Variants in ATL1 observed in about 807,000 individuals in gnomAD.
ATL1 encodes atlastin-1.
Under a neutral mutation model 75.5 loss-of-function variants are expected in ATL1, and 31 were observed. The ratio of observed to expected loss-of-function variants is 0.41; its 90% CI spans 0.31 to 0.55. ATL1 has a LOEUF of 0.55. Among genes scored for constraint, ATL1 ranks in the 20% least tolerant of loss-of-function variants. ATL1 has a pLI of 0.27. For missense variants in ATL1, 405 were observed against 662.6 expected (o/e 0.61, Z 4.27); for synonymous variants, 226 against 233.3 (o/e 0.97, Z 0.28).
At chr14:50,570,229 T>C (rs1449375829) in intron 1 of ATL1, among the ~76,000 whole-genome samples, 13 of 152,216 alleles carry the variant, frequency 8.5e-5, no homozygotes, top group Admixed American at 7.8e-4. Context: ...TATTCAGTTT[T>C]CTTCAATCTT....
intron 1 of ATL1, among the ~76,000 whole-genome samples, chr14:50,547,781 A>G (rs534629996): frequency 3.7e-4 from 57 of 152,334 alleles, no homozygotes; most frequent in African/African-American, 1.2e-3. Context: ...TGTCCGTGCT[A>G]TGATTGACTT....
At chr14:50,606,307 A>G (rs1352501093) in intron 6 of ATL1, among the ~76,000 whole-genome samples, 1 of 151,666 alleles carries the variant, frequency 6.6e-6, no homozygotes, top group Admixed American at 6.6e-5. Context: ...CTCATTTTTT[A>G]AAAGTATATT....
intron 1 of ATL1, among the ~76,000 whole-genome samples, chr14:50,550,805 G>A (rs2038693027): frequency 1.3e-5 from 2 of 152,142 alleles, no homozygotes; most frequent in Admixed American, 1.3e-4. Flanking sequence ...TGATCTTTGG[G>A]TTAACAATGA....
chr14:50,555,982 C>T (rs892971018), upstream of ATL1, among the ~76,000 whole-genome samples: 1 of 151,858 alleles, frequency 6.6e-6, no homozygotes, highest in African/African-American at 2.4e-5. Flanking sequence ...GGTGAAAGAA[C>T]CAATGGAAGA....
At chr14:50,573,216 T>TA (rs2038970582) in intron 1 of ATL1, among the ~76,000 whole-genome samples, 1 of 152,358 alleles carries the variant, frequency 6.6e-6, no homozygotes, top group African/African-American at 2.4e-5. Flanking sequence ...ATATTTTTTT[T>TA]ACCCATGAAT....
chr14:50,629,619 T>G (rs1023087700), intron 12 of ATL1, among the ~76,000 whole-genome samples: 1 of 151,970 alleles, frequency 6.6e-6, no homozygotes, highest in Non-Finnish European at 1.5e-5. Flanking sequence ...ATATATACTT[T>G]ATAACATAAT....
intron 8 of ATL1, among the ~76,000 whole-genome samples, chr14:50,616,199 A>G (rs1048261857): frequency 3.3e-5 from 5 of 152,066 alleles, no homozygotes; most frequent in South Asian, 2.1e-4. Context: ...AGGTCTTGCT[A>G]TGTTTCCAGG....
Position 50,620,683 on chromosome 14 carries a change from A to G in ATL1, c.947A>G (p.Asn316Ser), listed in dbSNP as rs766408452. ...SPESLDIKEI[N>S]GNKITCRGLV... ...GAGAGCCTAGATATTAAAGAGATCA[A>G]TGGGAATAAAATCACCTGCCGGGGT... Residue 316 changes from asparagine (N) to serine (S), a missense_variant, in exon 9 of 14, where the codon AAT becomes AGT. Transcript: ENST00000358385. 3 of 1,613,814 alleles carry G rather than the reference A, an allele frequency of 1.9e-6. No homozygotes were observed. The highest frequency in any genetic ancestry group is 1.7e-4 in the Middle Eastern group (1 of 6,056).
chr14:50,558,544 C>A (rs2038793180), upstream of ATL1, among the ~76,000 whole-genome samples: 1 of 152,190 alleles, frequency 6.6e-6, no homozygotes, highest in Admixed American at 6.5e-5. Flanking sequence ...CACACAGTCT[C>A]AAAGTATTCA....
At chr14:50,593,923 G>T in intron 5 of ATL1, 27 bp downstream of exon 5, 1 of 1,535,974 alleles carries the variant, frequency 6.5e-7, no homozygotes. Context: ...TCTTTTTTGT[G>T]TATCTGGTAG....
intron 6 of ATL1, among the ~76,000 whole-genome samples, chr14:50,596,226 C>T (rs558113047): frequency 4.6e-5 from 7 of 151,992 alleles, no homozygotes; most frequent in East Asian, 1.9e-4. Context: ...CCCAGCTACT[C>T]GGATAGCTGT....
chr14:50,612,872 G>C (rs988983239), intron 6 of ATL1, among the ~76,000 whole-genome samples: 1 of 152,068 alleles, frequency 6.6e-6, no homozygotes, highest in South Asian at 2.1e-4. Context: ...CTTTATAAAA[G>C]AAAAGCTGAT....
chr14:50,628,339 A>T lies in ATL1; in HGVS notation c.1428A>T (p.Leu476=), dbSNP rs367898123. 1.2e-6 allele frequency: 2 copies of T among 1,614,058 alleles called. No homozygotes were observed. Among genetic ancestry groups the T allele is most frequent in the Non-Finnish European group, 1.7e-6 (2 of 1,180,046 alleles). ...GFIGLDIIAS[L]CNMIMGLTLI... is the part of the protein sequence containing the mutation. Reference sequence around the variant, plus strand: ...TTGGTTTGGACATCATAGCTAGCCTATGCAATATGATAATGGGACTGACCC... The same window carrying T: ...TTGGTTTGGACATCATAGCTAGCCTTTGCAATATGATAATGGGACTGACCC... Residue 476 remains leucine (L), a synonymous_variant, in exon 12 of 14, where the codon CTA becomes CTT. Coordinates refer to ENST00000358385, the MANE Select transcript of ATL1 (RefSeq NM_015915.5).
intron 1 of ATL1, among the ~76,000 whole-genome samples, chr14:50,553,157 A>C (rs1374526140): frequency 3.3e-5 from 5 of 151,734 alleles, no homozygotes; most frequent in Admixed American, 6.6e-5. Context: ...ATAGCCATGC[A>C]TGGTGGTGTG....
At chr14:50,533,904 C>T (rs543293672) in intron 1 of ATL1, among the ~76,000 whole-genome samples, 1 of 152,290 alleles carries the variant, frequency 6.6e-6, no homozygotes, top group Admixed American at 6.5e-5. Context: ...ACACAAAGGG[C>T]ACTTATTTGG....
At chr14:50,590,850 G>T (rs544975285) in intron 2 of ATL1, 91 bp from the exon 3 acceptor site, 4 of 1,369,100 alleles carry the variant, frequency 2.9e-6, no homozygotes, top group African/African-American at 2.9e-5. Context: ...CTTTTAACTC[G>T]AATTGGAGAG....
chr14:50,558,193 C>T (rs1202148689), upstream of ATL1, among the ~76,000 whole-genome samples: 5 of 152,052 alleles, frequency 3.3e-5, no homozygotes, highest in South Asian at 2.1e-4. Flanking sequence ...GGAGAAACCC[C>T]GTCTCTACAT....
chr14:50,572,282 A>G (rs1015877529), intron 1 of ATL1: 1 of 202,794 alleles, frequency 4.9e-6, no homozygotes, highest in Admixed American at 6.1e-5. Context: ...AATTCTCTGT[A>G]AGAATTCATG....
intron 1 of ATL1, among the ~76,000 whole-genome samples, chr14:50,562,195 C>T (rs2038854787): frequency 6.6e-6 from 1 of 152,108 alleles, no homozygotes; most frequent in African/African-American, 2.4e-5. Context: ...CAGGCGCCTG[C>T]CACCGTGCCC....
Sources: gnomAD v4.1 joint callset for allele counts (sites outside exome capture counted in the v4.1 genomes callset) on GRCh38, gnomAD v4.1.1 for gene constraint, MANE v1.5 for transcripts, NCBI Gene and HGNC (gene_info 2026-07-23, HGNC 2026-07-21) for gene names.